Variants in EYA3 observed in about 807,000 individuals in gnomAD.
EYA3 encodes EYA transcriptional coactivator and phosphatase 3.
Under a neutral mutation model 80.0 loss-of-function variants are expected in EYA3, and 39 were observed. The ratio of observed to expected loss-of-function variants is 0.49; its 90% CI spans 0.38 to 0.64. EYA3 has a LOEUF of 0.64. EYA3 is among the 30% of genes least tolerant of loss of function. EYA3 has a pLI of 0.00. For synonymous variants in EYA3, 206 were observed against 232.8 expected, an observed-to-expected ratio of 0.88 and a Z score of 1.05; for missense variants, 523 against 676.1, an observed-to-expected ratio of 0.77 and a Z score of 2.51.
At position 28,065,298 on chromosome 1, in the gene EYA3, G is replaced by A. The variant is rs571678042; in HGVS notation, c.-68-7204C>T. 1.1e-4 allele frequency among the ~76,000 whole-genome samples: 16 copies of A among 152,170 alleles called. No homozygotes were observed. The South Asian group carries it at 3.1e-3, about 30-fold the overall frequency. The stretch of plus-strand genomic sequence containing the variant: ...ATTTTTTTTCTTTCTTTTTGAGATG[G>A]AGTCTCTCCCTGTCACCAGGCTGGA... On this transcript the variant is annotated intron_variant, in intron 1 of 17. Transcript: ENST00000373871.
rs894519719 is a variant in EYA3, at chr1:27,971,919, C to T, written c.*2547G>A. On this transcript the variant is annotated 3_prime_UTR_variant, in exon 18 of 18. Transcript: ENST00000373871. ...CCATTTAAATGAGGGTGGCAACAACCAGGAATGAGCAAAGACTGCTCTGCT... is the reference window on the plus strand; with the variant it reads ...CCATTTAAATGAGGGTGGCAACAACTAGGAATGAGCAAAGACTGCTCTGCT... 1 of 152,218 alleles carries T rather than the reference C, an allele frequency of 6.6e-6. No homozygotes were observed. The highest frequency in any genetic ancestry group is 2.4e-5 in the African/African-American group (1 of 41,440). The allele number at this position is 152,218 out of a possible 1,614,324, so 9.4% of individuals were successfully genotyped here. A position where few individuals can be genotyped will look rare whatever the true frequency, so the allele number is the denominator to read the frequency against.
intron 10 of EYA3, among the ~76,000 whole-genome samples, chr1:28,008,348 C>T (rs1340706337): frequency 6.6e-6 from 1 of 151,806 alleles, no homozygotes; most frequent in Non-Finnish European, 1.5e-5. Context: ...AGAAAAAATA[C>T]ATAAAAATCT....
chr1:28,024,274 T>A (rs1268139518), intron 7 of EYA3, among the ~76,000 whole-genome samples: 3 of 151,306 alleles, frequency 2.0e-5, no homozygotes, highest in Non-Finnish European at 4.4e-5. Flanking sequence ...CAAAAACATC[T>A]ATTAATAAAA....
chr1:28,060,561 T>C (rs1644583173), intron 1 of EYA3, among the ~76,000 whole-genome samples: 1 of 152,238 alleles, frequency 6.6e-6, no homozygotes, highest in African/African-American at 2.4e-5. Flanking sequence ...TTCTGTAAGC[T>C]GCAAGAAAAC....
chr1:28,021,989 T>G (rs183918032), intron 7 of EYA3, among the ~76,000 whole-genome samples: 4 of 152,270 alleles, frequency 2.6e-5, no homozygotes, highest in Admixed American at 6.5e-5. Flanking sequence ...TGACAATTCC[T>G]GATCCAGTAG....
intron 7 of EYA3, among the ~76,000 whole-genome samples, chr1:28,023,530 A>G (rs1255028831): frequency 1.3e-5 from 2 of 152,214 alleles, no homozygotes; most frequent in Non-Finnish European, 2.9e-5. Context: ...TTCCTCCTTA[A>G]AATCCATAAC....
At chr1:28,082,592 G>A (rs1405707701) in intron 1 of EYA3, among the ~76,000 whole-genome samples, 1 of 152,146 alleles carries the variant, frequency 6.6e-6, no homozygotes, top group Admixed American at 6.5e-5. Context: ...CTGAAGAGAT[G>A]AATGTCCTTA....
chr1:28,030,050 C>G (rs574809436), intron 6 of EYA3, among the ~76,000 whole-genome samples: 2 of 152,270 alleles, frequency 1.3e-5, no homozygotes, highest in South Asian at 4.1e-4. Context: ...ACTTCAAACT[C>G]AACATTAACT....
At chr1:28,066,828 T>A (rs1216777188) in intron 1 of EYA3, among the ~76,000 whole-genome samples, 1 of 152,138 alleles carries the variant, frequency 6.6e-6, no homozygotes, top group East Asian at 1.9e-4. Context: ...CATTTCCCGA[T>A]CATCTATTAT....
Position 28,013,121 on chromosome 1 carries a change from T to A in EYA3, c.759A>T (p.Arg253Ser). Residue 253 changes from arginine (R) to serine (S), a missense_variant, in exon 9 of 18, where the codon AGA becomes AGT. This residue lies in a region of EYA3 where 304 missense variants were observed against 343.3 expected (regional missense o/e 0.89). Transcript: ENST00000373871. This position sits in a 1 kb window ranked among gnomAD's most constrained non-coding sequence, Gnocchi z 4.0. The part of the protein sequence containing the change: ...SVMAPAPAAQ[R>S]LSSGDPSTSP... The stretch of plus-strand genomic sequence containing the variant: ...AGCTGCGGTGCTTACCAGAGGAAAG[T>A]CTCTGTGCTGCAGGTGCAGGCGCCA... The A allele has an allele frequency of 1.9e-6, 3 of 1,612,548 alleles. No homozygotes were observed. The highest frequency in any genetic ancestry group is 2.5e-6 in the Non-Finnish European group (3 of 1,179,570).
chr1:28,047,572 G>A (rs1218401021), intron 3 of EYA3, among the ~76,000 whole-genome samples: 1 of 149,924 alleles, frequency 6.7e-6, no homozygotes, highest in Non-Finnish European at 1.5e-5. Context: ...GGTAAGAACT[G>A]TGGAAAACTG....
At chr1:27,989,910 T>G (rs771170640) in intron 14 of EYA3, 99 bp from the exon 15 acceptor site, 2 of 596,156 alleles carry the variant, frequency 3.4e-6, no homozygotes, top group Non-Finnish European at 2.9e-6. Context: ...TGTGAGTCAC[T>G]GAAATATTCT....
At chr1:28,055,573 C>T (rs753693480) in intron 2 of EYA3, among the ~76,000 whole-genome samples, 1 of 149,612 alleles carries the variant, frequency 6.7e-6, no homozygotes. Context: ...TGGGTTCAAG[C>T]GATTCTCCTG....
chr1:27,989,870 G>A, intron 14 of EYA3, 59 bp from the exon 15 acceptor site: 1 of 995,364 alleles, frequency 1.0e-6, no homozygotes, highest in South Asian at 1.5e-5. Context: ...CTGACAGTGA[G>A]AAAGCAACTT....
chr1:28,005,934 G>A (rs1446339639), intron 10 of EYA3, among the ~76,000 whole-genome samples: 5 of 151,458 alleles, frequency 3.3e-5, no homozygotes, highest in African/African-American at 9.7e-5. Context: ...GTGAAACCTC[G>A]TCTCTACTAA....
At chr1:28,087,785 A>G (rs2148972204) in intron 1 of EYA3, among the ~76,000 whole-genome samples, 1 of 152,370 alleles carries the variant, frequency 6.6e-6, no homozygotes, top group East Asian at 1.9e-4. Context: ...TGCTAGCAGT[A>G]CCGTGTGCCT....
chr1:28,041,601 C>A (rs1167625876), intron 4 of EYA3, among the ~76,000 whole-genome samples: 1 of 151,844 alleles, frequency 6.6e-6, no homozygotes, highest in Non-Finnish European at 1.5e-5. Context: ...GGATGACAGT[C>A]TAAAGTAAAA....
intron 14 of EYA3, among the ~76,000 whole-genome samples, chr1:27,990,977 T>G (rs990133105): frequency 6.6e-6 from 1 of 152,136 alleles, no homozygotes; most frequent in Non-Finnish European, 1.5e-5. Context: ...TAGAAAAATC[T>G]TGTTACGGGG....
At chr1:28,083,513 C>A (rs978516981) in intron 1 of EYA3, among the ~76,000 whole-genome samples, 26 of 151,330 alleles carry the variant, frequency 1.7e-4, no homozygotes, top group Non-Finnish European at 2.4e-4. Context: ...GGGCAAGACT[C>A]CGTCTCAAAA....
Sources: gnomAD v4.1 joint callset for allele counts (sites outside exome capture counted in the v4.1 genomes callset) on GRCh38, gnomAD v4.1.1 for gene constraint, gnomAD v4.1.1 regional missense constraint, Gnocchi (gnomAD v3.1) non-coding constraint, MANE v1.5 for transcripts, NCBI Gene and HGNC (gene_info 2026-07-23, HGNC 2026-07-21) for gene names.